Variants in TPST1 observed in about 807,000 individuals in gnomAD.
TPST1 encodes protein-tyrosine sulfotransferase 1.
TPST1 carries 20 observed loss-of-function variants against 34.8 expected under a neutral mutation model. That is an observed-to-expected ratio of 0.57 (90% CI 0.40 to 0.84). The LOEUF (loss-of-function observed/expected upper bound fraction) is 0.84, where lower values mean the gene tolerates loss of function less well. Among genes scored for constraint, TPST1 ranks in the 40% least tolerant of loss-of-function variants. The pLI is 0.00. For missense variants in TPST1, 353 were observed against 455.5 expected (o/e 0.78, Z 2.05); for synonymous variants, 152 against 159.4 (o/e 0.95, Z 0.35).
intron 3 of TPST1, among the ~76,000 whole-genome samples, chr7:66,316,347 C>T (rs754141284): frequency 1.3e-5 from 2 of 152,072 alleles, no homozygotes; most frequent in Non-Finnish European, 2.9e-5. Context: ...TGATCTAAGA[C>T]GGGTCAGTTT....
rs2116406377 is a variant in TPST1 at position 66,240,786 on chromosome 7, A to G, written c.361A>G (p.Lys121Glu). ...GATGTGGTCACGGTCAAGTAAAGAG[A>G]AGATCCGCCTGGATGAGGCTGGTGT... ...KQMWSRSSKEKIRLDEAGVTD... is the reference protein window; with the variant it reads ...KQMWSRSSKEEIRLDEAGVTD... Residue 121 changes from lysine to glutamate, a missense_variant, in exon 2 of 6, where the codon AAG becomes GAG. Transcript: ENST00000304842. 6.2e-7 allele frequency: 1 copy of G among 1,614,198 alleles called. No individual in the cohort carries two copies. The highest frequency in any genetic ancestry group is 8.5e-7 in the Non-Finnish European group (1 of 1,180,034).
chr7:66,264,243 A>G (rs1056257401), intron 2 of TPST1, among the ~76,000 whole-genome samples: 1 of 152,228 alleles, frequency 6.6e-6, no homozygotes, highest in Admixed American at 6.5e-5. Context: ...GGGGGCAAAC[A>G]GTAGACTAAC....
chr7:66,225,093 T>G (rs935817319), intron 1 of TPST1, among the ~76,000 whole-genome samples: 1 of 151,346 alleles, frequency 6.6e-6, no homozygotes, highest in African/African-American at 2.4e-5. Flanking sequence ...AATTTTGTAT[T>G]TTTAGTAGAG....
At chr7:66,210,426 G>C (rs1167894448) in intron 1 of TPST1, among the ~76,000 whole-genome samples, 1 of 152,188 alleles carries the variant, frequency 6.6e-6, no homozygotes, top group Non-Finnish European at 1.5e-5. Flanking sequence ...GAGATTGCCT[G>C]GTTCAGTGAT....
At chr7:66,280,649 T>G (rs1219147936) in intron 2 of TPST1, among the ~76,000 whole-genome samples, 2 of 152,042 alleles carry the variant, frequency 1.3e-5, no homozygotes, top group East Asian at 3.9e-4. Flanking sequence ...CTGTGTTGAG[T>G]AGGAGTGGTG....
intron 3 of TPST1, among the ~76,000 whole-genome samples, chr7:66,311,644 A>T (rs1169320130): frequency 2.0e-5 from 3 of 152,238 alleles, no homozygotes; most frequent in Admixed American, 2.0e-4. Flanking sequence ...GCTTCAGGAG[A>T]TGCAAAGATC....
At chr7:66,348,868 CT>C (rs1792408712) in intron 3 of TPST1, among the ~76,000 whole-genome samples, 1 of 152,062 alleles carries the variant, frequency 6.6e-6, no homozygotes, top group African/African-American at 2.4e-5. Context: ...TTGCGTGAGC[CT>C]TTATTTGATA....
chr7:66,296,286 G>A (rs1231180685), intron 3 of TPST1, among the ~76,000 whole-genome samples: 1 of 118,976 alleles, frequency 8.4e-6, no homozygotes, highest in East Asian at 2.5e-4. Flanking sequence ...TATCTTTAAA[G>A]TGACAGATAA....
At chr7:66,259,608 G>A (rs978680648) in intron 2 of TPST1, among the ~76,000 whole-genome samples, 11 of 151,672 alleles carry the variant, frequency 7.3e-5, no homozygotes, top group African/African-American at 2.7e-4. Context: ...AATAGGCTTT[G>A]TTTTTTATAG....
intron 2 of TPST1, among the ~76,000 whole-genome samples, chr7:66,253,518 T>C (rs1190939867): frequency 2.0e-5 from 3 of 151,688 alleles, no homozygotes; most frequent in African/African-American, 7.3e-5. Flanking sequence ...ACTACAGGCG[T>C]GTGCCACCAT....
chr7:66,311,975 T>C (rs1246207721), intron 3 of TPST1, among the ~76,000 whole-genome samples: 2 of 152,228 alleles, frequency 1.3e-5, no homozygotes, highest in Non-Finnish European at 2.9e-5. Context: ...AGAAATCCTT[T>C]TGGGGCTAAT....
intron 1 of TPST1, among the ~76,000 whole-genome samples, chr7:66,236,901 A>T (rs1789922935): frequency 6.6e-6 from 1 of 152,116 alleles, no homozygotes; most frequent in African/African-American, 2.4e-5. Flanking sequence ...CAGTGCTTGG[A>T]CAGTGGTTGC....
intron 3 of TPST1, among the ~76,000 whole-genome samples, chr7:66,294,786 T>A (rs10224872): frequency 0.65 from 98,021 of 151,730 alleles, 32,021 homozygotes; most frequent in African/African-American, 0.74. Context: ...TTTTCTCTCC[T>A]CTGCATTATG....
chr7:66,344,474 A>G (rs1409314872), intron 3 of TPST1: 1 of 152,222 alleles, frequency 6.6e-6, no homozygotes, highest in African/African-American at 2.4e-5. Context: ...GTGCAGTGGC[A>G]TGATCTTGGC....
At chr7:66,321,725 C>T (rs980953898) in intron 3 of TPST1, among the ~76,000 whole-genome samples, 1 of 152,198 alleles carries the variant, frequency 6.6e-6, no homozygotes, top group Non-Finnish European at 1.5e-5. Flanking sequence ...AACTTCAGTT[C>T]TTCTACTTTG....
chr7:66,305,315 GTTCC>G (rs548854615), intron 3 of TPST1, among the ~76,000 whole-genome samples: 42 of 152,060 alleles, frequency 2.8e-4, no homozygotes, highest in Middle Eastern at 3.2e-3. Flanking sequence ...GCCATTCCAT[GTTCC>G]TTTGGTCCTC....
chr7:66,314,352 T>C (rs781395274), intron 3 of TPST1, among the ~76,000 whole-genome samples: 1 of 152,040 alleles, frequency 6.6e-6, no homozygotes, highest in Admixed American at 6.6e-5. Context: ...CTGGGCAACA[T>C]AGGGAGACCC....
intron 1 of TPST1, among the ~76,000 whole-genome samples, chr7:66,207,687 C>T (rs1457722315): frequency 6.6e-6 from 1 of 152,082 alleles, no homozygotes; most frequent in African/African-American, 2.4e-5. Flanking sequence ...TTATGGTTTT[C>T]AAAGACGTCT....
intron 3 of TPST1, among the ~76,000 whole-genome samples, chr7:66,324,240 G>A (rs778211224): frequency 1.6e-4 from 25 of 152,074 alleles, no homozygotes; most frequent in Non-Finnish European, 2.8e-4. Context: ...GGTTATCAGG[G>A]GTGGGGTATG....
Sources: allele counts gnomAD v4.1 joint callset (sites outside exome capture counted in the v4.1 genomes callset), GRCh38; gene constraint gnomAD v4.1.1; transcripts MANE v1.5; gene names NCBI Gene and HGNC (gene_info 2026-07-23, HGNC 2026-07-21).